Variants in JAKMIP2 observed in about 807,000 individuals in gnomAD.
JAKMIP2 encodes janus kinase and microtubule-interacting protein 2.
A neutral mutation model predicts 115.0 loss-of-function variants in JAKMIP2; 25 were observed. That is an observed-to-expected ratio of 0.22 (90% CI 0.16 to 0.30). JAKMIP2 has a LOEUF of 0.30. JAKMIP2 is among the 10% of genes least tolerant of loss of function. The pLI is 1.00. For missense variants in JAKMIP2, 642 were observed against 957.6 expected (o/e 0.67, Z 4.35); for synonymous variants, 334 against 343.6 (o/e 0.97, Z 0.31).
intron 1 of JAKMIP2, among the ~76,000 whole-genome samples, chr5:147,734,446 G>A (rs1315011872): frequency 7.7e-6 from 1 of 129,810 alleles, no homozygotes; most frequent in African/African-American, 2.8e-5. Context: ...AGTGGGAGCT[G>A]AACAATGAGA....
rs189387461 is a variant in JAKMIP2, at chr5:147,704,008, A to G, written c.-148-32054T>C. Reference sequence around the variant, plus strand: ...AGGGTCAGGGGTCAGGATCACTAGTATCTGTCTTCCATCTCCACAGCCTGT... The same window carrying G: ...AGGGTCAGGGGTCAGGATCACTAGTGTCTGTCTTCCATCTCCACAGCCTGT... On this transcript the variant is annotated intron_variant, in intron 1 of 21. Transcript: ENST00000616793. Among the ~76,000 whole-genome samples the G allele has an allele frequency of 2.9e-3, 444 of 152,188 alleles. 4 individuals carry two copies. The highest frequency in any genetic ancestry group is 2.5e-3 in the Non-Finnish European group (171 of 67,994).
At chr5:147,738,268 A>T (rs1314516220) in intron 1 of JAKMIP2, among the ~76,000 whole-genome samples, 2 of 152,182 alleles carry the variant, frequency 1.3e-5, no homozygotes, top group Non-Finnish European at 2.9e-5. Context: ...GCTTTCTTCC[A>T]TCAGAGCCCC....
chr5:147,717,530 G>A (rs1753057319), intron 1 of JAKMIP2, among the ~76,000 whole-genome samples: 1 of 135,436 alleles, frequency 7.4e-6, no homozygotes, highest in Non-Finnish European at 1.6e-5. Context: ...ATTGAGCAGT[G>A]GTTTGTAGTT....
chr5:147,756,695 G>A (rs189744218), intron 1 of JAKMIP2, among the ~76,000 whole-genome samples: 2 of 152,190 alleles, frequency 1.3e-5, no homozygotes, highest in East Asian at 1.9e-4. Flanking sequence ...CCAAGAAGGT[G>A]CAGGGCTACT....
chr5:147,614,358 A>AT (rs1179272643), intron 19 of JAKMIP2, among the ~76,000 whole-genome samples: 1 of 152,204 alleles, frequency 6.6e-6, no homozygotes, highest in Admixed American at 6.5e-5. Context: ...GTCCACACAT[A>AT]TTTTTTTGTC....
At chr5:147,765,233 G>A (rs891119798) in intron 1 of JAKMIP2, among the ~76,000 whole-genome samples, 4 of 151,912 alleles carry the variant, frequency 2.6e-5, no homozygotes, top group Admixed American at 2.6e-4. Flanking sequence ...AAAAAGATCT[G>A]GGAATATAAA....
chr5:147,599,734 T>A (rs868291723), intron 21 of JAKMIP2, among the ~76,000 whole-genome samples: 38 of 152,254 alleles, frequency 2.5e-4, no homozygotes, highest in African/African-American at 8.9e-4. Flanking sequence ...AGAAAGGCCC[T>A]TTTTTACTTG....
chr5:147,674,505 T>C (rs1266261252), intron 1 of JAKMIP2, among the ~76,000 whole-genome samples: 1 of 152,100 alleles, frequency 6.6e-6, no homozygotes, highest in Non-Finnish European at 1.5e-5. Context: ...GGTTGTGAAA[T>C]GGAAGAAGAG....
At chr5:147,615,653 T>G (rs182717342) in intron 19 of JAKMIP2, among the ~76,000 whole-genome samples, 1 of 152,310 alleles carries the variant, frequency 6.6e-6, no homozygotes, top group East Asian at 1.9e-4. Context: ...TAGGTCCTCA[T>G]GGCACCTGCA....
chr5:147,706,206 A>C (rs1336666290), intron 1 of JAKMIP2, among the ~76,000 whole-genome samples: 2 of 152,198 alleles, frequency 1.3e-5, no homozygotes, highest in African/African-American at 4.8e-5. Flanking sequence ...TATATTAATA[A>C]GGAAAGACTC....
intron 2 of JAKMIP2, among the ~76,000 whole-genome samples, chr5:147,665,877 T>C (rs1759274317): frequency 1.3e-5 from 2 of 152,188 alleles, no homozygotes; most frequent in South Asian, 4.1e-4. Context: ...GATTCTGTCA[T>C]TTACCCCAAA....
At chr5:147,722,623 G>T (rs1753358391) in intron 1 of JAKMIP2, among the ~76,000 whole-genome samples, 2 of 152,112 alleles carry the variant, frequency 1.3e-5, no homozygotes, top group Admixed American at 1.3e-4. Flanking sequence ...TAACGAAAGA[G>T]TTGCATGGGA....
intron 1 of JAKMIP2, among the ~76,000 whole-genome samples, chr5:147,764,026 C>A (rs985704007): frequency 1.4e-4 from 22 of 152,124 alleles, no homozygotes; most frequent in African/African-American, 5.1e-4. Flanking sequence ...CTGTGAGTAA[C>A]CAGCTGCATA....
chr5:147,695,727 A>G (rs185381579), intron 1 of JAKMIP2, among the ~76,000 whole-genome samples: 10 of 151,796 alleles, frequency 6.6e-5, no homozygotes, highest in Admixed American at 3.9e-4. Flanking sequence ...AGAACAAGTG[A>G]GCAAATTCAG....
intron 1 of JAKMIP2, among the ~76,000 whole-genome samples, chr5:147,698,172 G>A (rs1219585664): frequency 6.6e-6 from 1 of 152,166 alleles, no homozygotes; most frequent in Non-Finnish European, 1.5e-5. Flanking sequence ...AGGGTTTAAT[G>A]ACTGCTCTAT....
Position 147,639,677 on chromosome 5 carries a change from T to G in JAKMIP2, c.1485A>C (p.Leu495=), listed in dbSNP as rs778400314. 15 of 1,613,824 alleles carry G rather than the reference T, an allele frequency of 9.3e-6. No individual in the cohort carries two copies. Among genetic ancestry groups the G allele is most frequent in the Non-Finnish European group, 1.2e-5 (14 of 1,179,894 alleles). The change falls in exon 10 of 22, where the codon CTA becomes CTC. Residue 495 remains leucine, a synonymous_variant. Coordinates refer to ENST00000616793, the MANE Select transcript of JAKMIP2 (RefSeq NM_001270941.2). ...YQALQRAYAL[L]QEQTGGIIDA... is the part of the protein sequence containing the mutation. ...CGATGATGCCTCCCGTCTGCTCCTG[T>G]AGGAGGGCATATGCTCTTTGGAGGG...
intron 1 of JAKMIP2, among the ~76,000 whole-genome samples, chr5:147,729,390 C>T (rs532716836): frequency 2.3e-4 from 35 of 152,180 alleles, no homozygotes; most frequent in African/African-American, 8.4e-4. Flanking sequence ...GGGTGTGGGG[C>T]AGGGGAGGAC....
chr5:147,652,169 T>C (rs982210133), intron 3 of JAKMIP2, among the ~76,000 whole-genome samples: 1 of 152,114 alleles, frequency 6.6e-6, no homozygotes, highest in Non-Finnish European at 1.5e-5. Context: ...GGTTCAGTCG[T>C]CATCATTTTA....
intron 2 of JAKMIP2, among the ~76,000 whole-genome samples, chr5:147,664,734 C>T (rs1759208648): frequency 6.6e-6 from 1 of 152,148 alleles, no homozygotes; most frequent in Non-Finnish European, 1.5e-5. Flanking sequence ...CTCTTCTACC[C>T]TACCGCAGGC....
Sources: allele counts gnomAD v4.1 joint callset (sites outside exome capture counted in the v4.1 genomes callset), GRCh38; gene constraint gnomAD v4.1.1; transcripts MANE v1.5; gene names NCBI Gene and HGNC (gene_info 2026-07-23, HGNC 2026-07-21).